PLEKHM3: variants seen among roughly 807,000 people sequenced by gnomAD.
The protein encoded by PLEKHM3 is pleckstrin homology domain containing M3, also known as pleckstrin homology domain-containing family M member 3.
PLEKHM3 carries 45 observed loss-of-function variants against 81.8 expected under a neutral mutation model. That is an observed-to-expected ratio of 0.55 (90% confidence interval 0.43 to 0.71). PLEKHM3 has a LOEUF of 0.71. Ranked by LOEUF, PLEKHM3 falls within the 30% of genes least tolerant of loss-of-function variation. The pLI, the probability that PLEKHM3 is intolerant of heterozygous loss-of-function variation, is 0.00. For synonymous variants in PLEKHM3, 352 were observed against 356.4 expected (o/e 0.99, Z 0.14); for missense variants, 788 against 924.3 (o/e 0.85, Z 1.91).
chr2:207,902,323 G>A (rs779700336), intron 6 of PLEKHM3, among the ~76,000 whole-genome samples: 61 of 152,196 alleles, frequency 4.0e-4, no homozygotes, highest in Non-Finnish European at 7.3e-4. Flanking sequence ...GGGCAGGGCC[G>A]TGCAAAATAA....
intron 7 of PLEKHM3, among the ~76,000 whole-genome samples, chr2:207,850,515 T>C (rs1000839832): frequency 6.6e-6 from 1 of 152,220 alleles, no homozygotes; most frequent in Non-Finnish European, 1.5e-5. Flanking sequence ...ATTTTCTAAG[T>C]CCCATGTTAA....
At chr2:207,924,308 A>G (rs1190724632) in intron 5 of PLEKHM3, among the ~76,000 whole-genome samples, 2 of 152,152 alleles carry the variant, frequency 1.3e-5, no homozygotes, top group African/African-American at 4.8e-5. Flanking sequence ...CTCAAGGAAG[A>G]GTGCTGGGCC....
At chr2:207,880,032 C>A (rs2092578534) in intron 6 of PLEKHM3, among the ~76,000 whole-genome samples, 1 of 152,144 alleles carries the variant, frequency 6.6e-6, no homozygotes, top group Non-Finnish European at 1.5e-5. Context: ...ATCACTCAAT[C>A]TTACTTGTAT....
intron 3 of PLEKHM3, among the ~76,000 whole-genome samples, chr2:207,947,290 T>G (rs1690167268): frequency 6.6e-6 from 1 of 152,226 alleles, no homozygotes; most frequent in African/African-American, 2.4e-5. Context: ...TTCTCTGCTC[T>G]TTACTTCAAC....
At chr2:207,855,927 G>A (rs1011911075) in intron 7 of PLEKHM3, among the ~76,000 whole-genome samples, 3 of 151,912 alleles carry the variant, frequency 2.0e-5, no homozygotes, top group Non-Finnish European at 4.4e-5. Flanking sequence ...AAAAACTGTG[G>A]ACTTTAGTTA....
chr2:207,959,040 T>C (rs1690635755), intron 3 of PLEKHM3, among the ~76,000 whole-genome samples: 1 of 152,190 alleles, frequency 6.6e-6, no homozygotes. Flanking sequence ...CTGTCTCTAG[T>C]TAAGCTTTTA....
At position 207,923,905 on chromosome 2, in the gene PLEKHM3, A is replaced by ATATATATTTT. The variant is rs1396762429; in HGVS notation, c.1886+7020_1886+7021insAAAATATATA. Among the ~76,000 whole-genome samples, 178 of 28,300 alleles carry ATATATATTTT rather than the reference A, an allele frequency of 6.3e-3. 2 individuals carry two copies. Among genetic ancestry groups the ATATATATTTT allele is most frequent in the Non-Finnish European group, 1.0e-2 (155 of 15,502 alleles). The allele number at this position is 28,300 out of a possible 152,430, so 18.6% of individuals were successfully genotyped here. ...CATATATATATATATATATATATATATTTTTTTTTTTTTTTTTTTCTGAGG... is the reference window on the plus strand; with the variant it reads ...CATATATATATATATATATATATATATATATATTTTTTTTTTTTTTTTTTTTTTTCTGAGG... On this transcript the variant is annotated intron_variant, in intron 5 of 7. Coordinates refer to ENST00000427836, the MANE Select transcript of PLEKHM3 (RefSeq NM_001080475.3).
intron 3 of PLEKHM3, among the ~76,000 whole-genome samples, chr2:207,960,445 C>G (rs1469358813): frequency 6.6e-6 from 1 of 152,214 alleles, no homozygotes; most frequent in Non-Finnish European, 1.5e-5. Context: ...CCCTTCAGGA[C>G]TCCAGCTGTG....
At chr2:207,836,354 T>C (rs2092319579) in intron 7 of PLEKHM3, among the ~76,000 whole-genome samples, 1 of 147,472 alleles carries the variant, frequency 6.8e-6, no homozygotes, top group African/African-American at 2.5e-5. Flanking sequence ...GGAATGAGAC[T>C]ATATATTTTA....
chr2:207,836,910 G>C (rs1398446800), intron 7 of PLEKHM3, among the ~76,000 whole-genome samples: 1 of 152,220 alleles, frequency 6.6e-6, no homozygotes, highest in Non-Finnish European at 1.5e-5. Flanking sequence ...AGCCTTGGCT[G>C]GTTTCCACTC....
chr2:207,924,595 G>T (rs767224507), intron 5 of PLEKHM3, among the ~76,000 whole-genome samples: 1 of 152,170 alleles, frequency 6.6e-6, no homozygotes, highest in Non-Finnish European at 1.5e-5. Context: ...TGAGGCAGGA[G>T]AATTGCTTGA....
In PLEKHM3 at chr2:207,843,973, C is replaced by G. The variant is rs114376852; in HGVS notation, c.2109-15477G>C. On this transcript the variant is annotated intron_variant, in intron 7 of 7. Transcript: ENST00000427836. This position sits in a 1 kb window ranked among gnomAD's most constrained non-coding sequence, Gnocchi z 4.4. ...TGGCGTGCATCTGTAGTCCCAGTTA[C>G]CTGGGAGGCTGAGGCTGGAGGGTCA... 6.6e-6 allele frequency among the ~76,000 whole-genome samples: 1 copy of G among 151,934 alleles called. No individual in the cohort carries two copies. Among genetic ancestry groups the G allele is most frequent in the Non-Finnish European group, 1.5e-5 (1 of 67,986 alleles).
intron 3 of PLEKHM3, among the ~76,000 whole-genome samples, chr2:207,955,111 A>G (rs1690459209): frequency 6.6e-6 from 1 of 152,172 alleles, no homozygotes; most frequent in African/African-American, 2.4e-5. Flanking sequence ...CTACCCCAAA[A>G]GTTGTAAGTA....
intron 1 of PLEKHM3, among the ~76,000 whole-genome samples, chr2:208,016,649 CAAAA>C (rs1234374383): frequency 1.5e-5 from 1 of 66,252 alleles, no homozygotes; most frequent in African/African-American, 5.0e-5. Context: ...GACTTTGTCT[CAAAA>C]AAAAAAAAAA....
At chr2:207,972,345 CGGGGGGCG>C (rs560213106) in intron 3 of PLEKHM3, among the ~76,000 whole-genome samples, 306 of 20,248 alleles carry the variant, frequency 0.015, 2 homozygotes, top group Non-Finnish European at 0.022. Flanking sequence ...TTTGGGAGGC[CGGGGGGCG>C]GGGGGGCGGT....
chr2:207,881,919 T>C (rs1481522985), intron 6 of PLEKHM3, among the ~76,000 whole-genome samples: 1 of 152,086 alleles, frequency 6.6e-6, no homozygotes, highest in Non-Finnish European at 1.5e-5. Context: ...TTTGCCTCCC[T>C]CCTGCCTGCC....
At position 208,024,142 on chromosome 2, in the gene PLEKHM3, C is replaced by CAAAATAAAATAAAATAAAATAAAAT. The variant is rs57377948; in HGVS notation, c.-319+1222_-319+1246dup. On this transcript the variant is annotated intron_variant, in intron 1 of 7. Coordinates refer to ENST00000427836, the MANE Select transcript of PLEKHM3 (RefSeq NM_001080475.3). ...CGAATGACAGAGTAAGACCCTGTCT[C>CAAAATAAAATAAAATAAAATAAAAT]AAAATAAAATAAAATAAAATAAAAT... Among the ~76,000 whole-genome samples the CAAAATAAAATAAAATAAAATAAAAT allele has an allele frequency of 6.5e-3, 902 of 137,760 alleles. 17 individuals are homozygous for CAAAATAAAATAAAATAAAATAAAAT. Among genetic ancestry groups the CAAAATAAAATAAAATAAAATAAAAT allele is most frequent in the African/African-American group, 0.024 (843 of 35,578 alleles). The allele number at this position is 137,760 out of a possible 152,430, so 90.4% of individuals were successfully genotyped here.
At chr2:207,975,678 C>G (rs1196246340) in intron 3 of PLEKHM3, among the ~76,000 whole-genome samples, 2 of 142,436 alleles carry the variant, frequency 1.4e-5, no homozygotes, top group Non-Finnish European at 3.0e-5. Context: ...CTCACTGCAA[C>G]CTCTGCCTCC....
At chr2:207,832,684 C>T (rs1449583637) in intron 7 of PLEKHM3, among the ~76,000 whole-genome samples, 3 of 151,080 alleles carry the variant, frequency 2.0e-5, no homozygotes, top group East Asian at 3.9e-4. Context: ...CCCAGCTACT[C>T]GGGAGGCTAG....
Sources: gnomAD v4.1 joint callset for allele counts (sites outside exome capture counted in the v4.1 genomes callset) on GRCh38, gnomAD v4.1.1 for gene constraint, Gnocchi (gnomAD v3.1) non-coding constraint, MANE v1.5 for transcripts, NCBI Gene and HGNC (gene_info 2026-07-23, HGNC 2026-07-21) for gene names.